Variants in SCRT2 observed in about 807,000 individuals in gnomAD.
The protein encoded by SCRT2 is transcriptional repressor scratch 2.
Under a neutral mutation model 3.7 loss-of-function variants are expected in SCRT2, and 2 were observed. The ratio of observed to expected loss-of-function variants is 0.54; its 90% CI spans 0.22 to 1.70. The LOEUF (loss-of-function observed/expected upper bound fraction) is 1.70, where lower values mean the gene tolerates loss of function less well. Ranked by LOEUF, SCRT2 falls within the 40% of genes most tolerant of loss-of-function variation. The probability of loss-of-function intolerance (pLI) is 0.19; values close to 1 mark genes in which losing one functional copy is unlikely to be tolerated. For synonymous variants in SCRT2, 256 were observed against 220.6 expected (o/e 1.16, Z -1.42); for missense variants, 456 against 468.5 (o/e 0.97, Z 0.25).
Position 665,420 on chromosome 20 carries a change from C to T in SCRT2, c.134-959G>A, listed in dbSNP as rs1466122645. Among the ~76,000 whole-genome samples, 1 of 152,220 alleles carries T rather than the reference C, an allele frequency of 6.6e-6. No homozygotes were observed. Among genetic ancestry groups the T allele is most frequent in the Non-Finnish European group, 1.5e-5 (1 of 68,034 alleles). ...AAAGGGGACTTCCTCGCACCTGCTC[C>T]CAAGCCTGCTCTAGAAGTCGTCGGA... On this transcript the variant is annotated intron_variant, in intron 1 of 1. Coordinates refer to ENST00000246104, the MANE Select transcript of SCRT2 (RefSeq NM_033129.4). This position sits in a 1 kb window ranked among gnomAD's most constrained non-coding sequence, Gnocchi z 5.0.
chr20:667,489 C>T lies in SCRT2; in HGVS notation c.134-3028G>A, dbSNP rs557782911. On this transcript the variant is annotated intron_variant, in intron 1 of 1. Transcript: ENST00000246104. The surrounding 1 kb of genome is among the most constrained non-coding windows in gnomAD (Gnocchi z 4.4). ...CCTCTCTGGGCCTCTGTTTCCTCAC[C>T]CGGGATGTGTAATTTCTATTTCACG... Among the ~76,000 whole-genome samples, 3 of 152,266 alleles carry T rather than the reference C, an allele frequency of 2.0e-5. No homozygotes were observed. The highest frequency in any genetic ancestry group is 2.9e-5 in the Non-Finnish European group (2 of 68,024).
Position 675,654 on chromosome 20 carries a change from G to T in SCRT2, c.-53C>A, listed in dbSNP as rs929464553. On this transcript the variant is annotated 5_prime_UTR_variant, in exon 1 of 2. Coordinates refer to ENST00000246104, the MANE Select transcript of SCRT2 (RefSeq NM_033129.4). This position sits in a 1 kb window ranked among gnomAD's most constrained non-coding sequence, Gnocchi z 6.9. Reference sequence around the variant, plus strand: ...GGGAGGCGGCCGGCCGGGCGCGATCGGCTGTGTCCGCGCGGGTTTTCAGCA... The same window carrying T: ...GGGAGGCGGCCGGCCGGGCGCGATCTGCTGTGTCCGCGCGGGTTTTCAGCA... 1 of 1,216,904 alleles carries T rather than the reference G, an allele frequency of 8.2e-7. No individual in the cohort carries two copies. The highest frequency in any genetic ancestry group is 1.0e-6 in the Non-Finnish European group (1 of 962,536). The allele number at this position is 1,216,904 out of a possible 1,614,324, so 75.4% of individuals were successfully genotyped here. A position where few individuals can be genotyped will look rare whatever the true frequency, so the allele number is the denominator to read the frequency against.
At position 664,191 on chromosome 20, in the gene SCRT2, G is replaced by T; in HGVS notation, c.404C>A (p.Ala135Glu). ...GGGDAGGSGDAGGAGGRAGRA... is the reference protein window; with the variant it reads ...GGGDAGGSGDEGGAGGRAGRA... Reference sequence around the variant, plus strand: ...CCCCGCGCGCCCCCCGGCGCCCCCCGCGTCTCCCGAGCCCCCCGCGTCCCC... The same window carrying T: ...CCCCGCGCGCCCCCCGGCGCCCCCCTCGTCTCCCGAGCCCCCCGCGTCCCC... The change falls in exon 2 of 2, where the codon GCG becomes GAG. Residue 135 changes from alanine (A) to glutamate (E), a missense_variant. Coordinates refer to ENST00000246104, the MANE Select transcript of SCRT2 (RefSeq NM_033129.4). This position sits in a 1 kb window ranked among gnomAD's most constrained non-coding sequence, Gnocchi z 7.9. The T allele has an allele frequency of 3.0e-6, 3 of 1,003,734 alleles. No individual in the cohort carries two copies. The highest frequency in any genetic ancestry group is 3.6e-6 in the Non-Finnish European group (3 of 822,106). 62.2% of individuals were successfully genotyped at this position (1,003,734 alleles called of 1,614,324 possible).
At chr20:671,431 G>A (rs1481180899) in intron 1 of SCRT2, among the ~76,000 whole-genome samples, 5 of 152,246 alleles carry the variant, frequency 3.3e-5, no homozygotes, top group African/African-American at 1.2e-4. Context: ...GGAAAGGGGT[G>A]GTTAGAGAAG....
At position 664,028 on chromosome 20, in the gene SCRT2, C is replaced by A; in HGVS notation, c.567G>T (p.Pro189=). Residue 189 remains proline (P), a synonymous_variant, in exon 2 of 2, where the codon CCG becomes CCT. Transcript: ENST00000246104. This position sits in a 1 kb window ranked among gnomAD's most constrained non-coding sequence, Gnocchi z 7.9. ...TGGACACGTAGGCCTTGCCGCACGTCGGGCATTTGCGCGCCAGCTGGCTGT... is the reference window on the plus strand; with the variant it reads ...TGGACACGTAGGCCTTGCCGCACGTAGGGCATTTGCGCGCCAGCTGGCTGT... ...SLDSQLARKC[P]TCGKAYVSMP... The A allele has an allele frequency of 6.2e-7, 1 of 1,612,068 alleles. No homozygotes were observed.
In SCRT2 at chr20:664,044, A is replaced by G; in HGVS notation, c.551T>C (p.Leu184Pro). Residue 184 changes from leucine (L) to proline (P), a missense_variant, in exon 2 of 2, where the codon CTG (leucine) becomes CCG (proline). Coordinates refer to ENST00000246104, the MANE Select transcript of SCRT2 (RefSeq NM_033129.4). This position sits in a 1 kb window ranked among gnomAD's most constrained non-coding sequence, Gnocchi z 7.9. ...GCCGCACGTCGGGCATTTGCGCGCC[A>G]GCTGGCTGTCCAGGCTGCGGTGCGT... is the stretch of plus-strand genomic sequence containing the variant. The part of the protein sequence containing the change: ...KQTHRSLDSQ[L>P]ARKCPTCGKA... 1.2e-6 allele frequency: 2 copies of G among 1,612,020 alleles called. No homozygotes were observed. Among genetic ancestry groups the G allele is most frequent in the Non-Finnish European group, 1.7e-6 (2 of 1,179,602 alleles).
chr20:664,205 C>T lies in SCRT2; in HGVS notation c.390G>A (p.Gly130=), dbSNP rs1568651391. ...CGGCGCCCCCCGCGTCTCCCGAGCC[C>T]CCCGCGTCCCCGCCGCCCCCGCCCC... is the stretch of plus-strand genomic sequence containing the variant. ...RRRGGGGGDA[G]GSGDAGGAGG... Residue 130 remains glycine (G), a synonymous_variant, in exon 2 of 2, where the codon GGG becomes GGA. Coordinates refer to ENST00000246104, the MANE Select transcript of SCRT2 (RefSeq NM_033129.4). This position sits in a 1 kb window ranked among gnomAD's most constrained non-coding sequence, Gnocchi z 7.9. 6.8e-6 allele frequency: 8 copies of T among 1,177,642 alleles called. No homozygotes were observed. The highest frequency in any genetic ancestry group is 7.4e-6 in the Non-Finnish European group (7 of 951,576). 72.9% of individuals were successfully genotyped at this position (1,177,642 alleles called of 1,614,324 possible).
At chr20:672,777 C>CTTT (rs1322174704) in intron 1 of SCRT2, among the ~76,000 whole-genome samples, 3 of 147,826 alleles carry the variant, frequency 2.0e-5, no homozygotes, top group Non-Finnish European at 4.5e-5. Flanking sequence ...CCCTCCCTCT[C>CTTT]CTCATCTTCC....
intron 1 of SCRT2, among the ~76,000 whole-genome samples, chr20:674,642 T>C (rs1201292939): frequency 6.6e-6 from 1 of 151,734 alleles, no homozygotes; most frequent in Non-Finnish European, 1.5e-5. Flanking sequence ...CTTCTCTTGT[T>C]CCTCAAACCC....
chr20:675,631 G>A lies in SCRT2; in HGVS notation c.-30C>T, dbSNP rs776650107. 76 of 1,261,738 alleles carry A rather than the reference G, an allele frequency of 6.0e-5. No individual in the cohort carries two copies. The African/African-American group carries it at 1.1e-3, about 18-fold the overall frequency. The allele number at this position is 1,261,738 out of a possible 1,614,324, so 78.2% of individuals were successfully genotyped here. ...CGGCCGGCGCGGGGCTCGGTGCGGG[G>A]AGGCGGCCGGCCGGGCGCGATCGGC... On this transcript the variant is annotated 5_prime_UTR_variant, in exon 1 of 2. Transcript: ENST00000246104. The surrounding 1 kb of genome is among the most constrained non-coding windows in gnomAD (Gnocchi z 6.9).
chr20:667,236 G>T lies in SCRT2; in HGVS notation c.134-2775C>A, dbSNP rs1984183048. 6.6e-6 allele frequency among the ~76,000 whole-genome samples: 1 copy of T among 152,266 alleles called. No individual in the cohort carries two copies. Among genetic ancestry groups the T allele is most frequent in the Admixed American group, 6.5e-5 (1 of 15,290 alleles). On this transcript the variant is annotated intron_variant, in intron 1 of 1. Coordinates refer to ENST00000246104, the MANE Select transcript of SCRT2 (RefSeq NM_033129.4). The surrounding 1 kb of genome is among the most constrained non-coding windows in gnomAD (Gnocchi z 4.4). ...AGCATTCTACCCCCATGACACACAA[G>T]GTGGTAGGTACCCTTTTATAGAAGA...
rs577267090 is a variant in SCRT2 at position 666,069 on chromosome 20, T to C, written c.134-1608A>G. On this transcript the variant is annotated intron_variant, in intron 1 of 1. Coordinates refer to ENST00000246104, the MANE Select transcript of SCRT2 (RefSeq NM_033129.4). This position sits in a 1 kb window ranked among gnomAD's most constrained non-coding sequence, Gnocchi z 4.4. ...CCCTGAAGGCAAGGGTGTGCCCTTATTTTTACCTCTGTCCCTTCAGCAGCC... is the reference window on the plus strand; with the variant it reads ...CCCTGAAGGCAAGGGTGTGCCCTTACTTTTACCTCTGTCCCTTCAGCAGCC... Among the ~76,000 whole-genome samples the C allele has an allele frequency of 6.6e-6, 1 of 152,294 alleles. No individual in the cohort carries two copies. The highest frequency in any genetic ancestry group is 1.5e-5 in the Non-Finnish European group (1 of 68,016).
In SCRT2 at chr20:675,493, C is replaced by A; in HGVS notation, c.109G>T (p.Ala37Ser). ...CCGTTGTCCCCGGGAGGCCCCCGGG[C>A]GCCAGGCAGCACGTAGGCTGTCTCC... ...PLETAYVLPG[A>S]RGPPGDNGYA... Residue 37 changes from alanine to serine, a missense_variant, in exon 1 of 2, where the codon GCC becomes TCC. Ala to Ser is a moderately conservative substitution (Grantham distance 99). Coordinates refer to ENST00000246104, the MANE Select transcript of SCRT2 (RefSeq NM_033129.4). The surrounding 1 kb of genome is among the most constrained non-coding windows in gnomAD (Gnocchi z 6.9). 4 of 1,368,274 alleles carry A rather than the reference C, an allele frequency of 2.9e-6. No individual in the cohort carries two copies. Among genetic ancestry groups the A allele is most frequent in the Non-Finnish European group, 3.8e-6 (4 of 1,056,108 alleles). 84.8% of individuals were successfully genotyped at this position (1,368,274 alleles called of 1,614,324 possible). A position where few individuals can be genotyped will look rare whatever the true frequency, so the allele number is the denominator to read the frequency against.
At chr20:674,682 A>G (rs1198504813) in intron 1 of SCRT2, among the ~76,000 whole-genome samples, 1 of 145,218 alleles carries the variant, frequency 6.9e-6, no homozygotes, top group African/African-American at 2.6e-5. Context: ...TTCTGAGAAG[A>G]GATGGAGTGT....
intron 1 of SCRT2, among the ~76,000 whole-genome samples, chr20:671,270 T>C (rs889534612): frequency 6.6e-6 from 1 of 152,224 alleles, no homozygotes; most frequent in Non-Finnish European, 1.5e-5. Context: ...CCTGGTCCTA[T>C]ACCTGAAGTT....
At chr20:672,578 A>T (rs898243882) in intron 1 of SCRT2, among the ~76,000 whole-genome samples, 2 of 151,832 alleles carry the variant, frequency 1.3e-5, no homozygotes, top group African/African-American at 4.8e-5. Flanking sequence ...CTCCACATTC[A>T]CAGGCTCCCC....
chr20:669,216 A>G (rs180952434), intron 1 of SCRT2, among the ~76,000 whole-genome samples: 3 of 152,302 alleles, frequency 2.0e-5, no homozygotes, highest in East Asian at 3.8e-4. Context: ...TGTAAATCAT[A>G]CTTAATAACA....
At position 661,979 on chromosome 20, in the gene SCRT2, G is replaced by C. The variant is rs1036610152; in HGVS notation, c.*1692C>G. On this transcript the variant is annotated 3_prime_UTR_variant, in exon 2 of 2. Coordinates refer to ENST00000246104, the MANE Select transcript of SCRT2 (RefSeq NM_033129.4). ...AAGAGGAGGGGAGAGGAGGATCTGA[G>C]AGTCCAGGACTCCTGCCCCCAAGCT... 1 of 152,726 alleles carries C rather than the reference G, an allele frequency of 6.5e-6. No individual in the cohort carries two copies. The highest frequency in any genetic ancestry group is 1.5e-5 in the Non-Finnish European group (1 of 68,090). 9.5% of individuals were successfully genotyped at this position (152,726 alleles called of 1,614,324 possible).
rs1481684032 is a variant in SCRT2 at position 663,737 on chromosome 20, G to A, written c.858C>T (p.His286=). 6.4e-7 allele frequency: 1 copy of A among 1,561,246 alleles called. No individual in the cohort carries two copies. The highest frequency in any genetic ancestry group is 1.9e-5 in the Admixed American group (1 of 52,730). ...CCGCCTTGGCGCAGGCCGCCTCGCA[G>A]TGCTTGTGGAGGTAGGACTTGAGCG... ...SFALKSYLHK[H]CEAACAKAAE... is the part of the protein sequence containing the mutation. Residue 286 remains histidine (H), a synonymous_variant, in exon 2 of 2, where the codon CAC becomes CAT. Transcript: ENST00000246104. The surrounding 1 kb of genome is among the most constrained non-coding windows in gnomAD (Gnocchi z 6.9).
Sources: allele counts gnomAD v4.1 joint callset (sites outside exome capture counted in the v4.1 genomes callset), GRCh38; gene constraint gnomAD v4.1.1; non-coding constraint Gnocchi (gnomAD v3.1); transcripts MANE v1.5; gene names NCBI Gene and HGNC (gene_info 2026-07-23, HGNC 2026-07-21).